SSH2: variants seen among roughly 807,000 people sequenced by gnomAD.
SSH2 encodes the protein protein phosphatase Slingshot homolog 2.
SSH2 carries 37 observed loss-of-function variants against 135.2 expected under a neutral mutation model. That is an observed-to-expected ratio of 0.27 (90% CI 0.21 to 0.36). The LOEUF (loss-of-function observed/expected upper bound fraction) is 0.36. Among genes scored for constraint, SSH2 ranks in the 10% least tolerant of loss-of-function variants. SSH2 has a pLI of 1.00. For synonymous variants in SSH2, 628 were observed against 646.2 expected (o/e 0.97, Z 0.43); for missense variants, 1,408 against 1,765.3 (o/e 0.80, Z 3.63).
At chr17:29,898,734 T>C (rs916049849) in intron 1 of SSH2, among the ~76,000 whole-genome samples, 6 of 152,172 alleles carry the variant, frequency 3.9e-5, no homozygotes, top group Non-Finnish European at 1.5e-5. Flanking sequence ...CTTCTGAAAC[T>C]ATTCCAATCA....
At chr17:29,772,298 T>C (rs2041603831) in intron 3 of SSH2, among the ~76,000 whole-genome samples, 1 of 149,290 alleles carries the variant, frequency 6.7e-6, no homozygotes, top group Non-Finnish European at 1.5e-5. Context: ...CAGGCTGGAG[T>C]GCAGTGGCGT....
intron 1 of SSH2, among the ~76,000 whole-genome samples, chr17:29,872,143 T>C (rs1481248772): frequency 2.0e-5 from 3 of 152,244 alleles, no homozygotes; most frequent in African/African-American, 7.2e-5. Flanking sequence ...AAATTGTTTC[T>C]TTTGTATTAT....
At chr17:29,737,920 CTTATTTATTTAT>C (rs57778245) in intron 3 of SSH2, among the ~76,000 whole-genome samples, 1 of 150,596 alleles carries the variant, frequency 6.6e-6, no homozygotes, top group African/African-American at 2.4e-5. Flanking sequence ...GAGAAAGTCT[CTTATTTATTTAT>C]TTATTTATTT....
At chr17:29,690,291 G>A (rs1056088017) in intron 5 of SSH2, among the ~76,000 whole-genome samples, 11 of 151,746 alleles carry the variant, frequency 7.2e-5, no homozygotes, top group African/African-American at 2.4e-4. Context: ...GGTAATCCCA[G>A]CTACTCAGGA....
intron 1 of SSH2, among the ~76,000 whole-genome samples, chr17:29,876,426 T>C (rs912365700): frequency 2.6e-5 from 4 of 152,248 alleles, no homozygotes; most frequent in Non-Finnish European, 4.4e-5. Context: ...TGTTTGGAGC[T>C]CCTCATGTGT....
At chr17:29,910,102 C>T (rs141002405) in intron 1 of SSH2, among the ~76,000 whole-genome samples, 1 of 152,104 alleles carries the variant, frequency 6.6e-6, no homozygotes, top group African/African-American at 2.4e-5. Context: ...TGTGCCACCA[C>T]AATTGGTTAA....
chr17:29,716,010 A>C (rs2039609158), intron 3 of SSH2, among the ~76,000 whole-genome samples: 2 of 152,160 alleles, frequency 1.3e-5, no homozygotes. Context: ...CTATACTACC[A>C]AGAAAATGGA....
chr17:29,761,426 C>G (rs929717974), intron 3 of SSH2: 3 of 1,014,408 alleles, frequency 3.0e-6, no homozygotes, highest in Non-Finnish European at 3.5e-6. Flanking sequence ...GCGGTAGAGT[C>G]CGGACTGACG....
rs183026533 is a variant in SSH2 at position 29,714,903 on chromosome 17, A to G, written c.189-11841T>C. On this transcript the variant is annotated intron_variant, in intron 3 of 15. Coordinates refer to ENST00000540801, the MANE Select transcript of SSH2 (RefSeq NM_001282129.2). ...GTTTTTTGGGACAGAGTCTTGCCCT[A>G]TCACCCAGGCTGAAGTGCAATGGTG... is the stretch of plus-strand genomic sequence containing the variant. 3.6e-3 allele frequency among the ~76,000 whole-genome samples: 553 copies of G among 151,610 alleles called. 2 individuals are homozygous for G. Among genetic ancestry groups the G allele is most frequent in the African/African-American group, 0.013 (534 of 41,328 alleles).
chr17:29,865,961 G>A (rs1247690728), intron 1 of SSH2: 1 of 152,190 alleles, frequency 6.6e-6, no homozygotes, highest in Non-Finnish European at 1.5e-5. Flanking sequence ...AATTAGCCAG[G>A]CATGGTGGTG....
At chr17:29,831,245 C>T (rs532398794) in intron 2 of SSH2, among the ~76,000 whole-genome samples, 41 of 150,274 alleles carry the variant, frequency 2.7e-4, no homozygotes, top group African/African-American at 9.0e-4. Flanking sequence ...ACATTGAACA[C>T]GTCTGCAGAC....
In SSH2 at chr17:29,636,076, C is replaced by T. The variant is rs777501868; in HGVS notation, c.2154G>A (p.Val718=). ...GGRNESCRLS[V]VEVAPSKVTA... is the part of the protein sequence containing the mutation. ...TCACTTTGGAAGGGGCTACTTCTAC[C>T]ACTGACAGTCGACAGCTCTCATTCC... The change falls in exon 15 of 16, where the codon GTG becomes GTA. Residue 718 remains valine (V), a synonymous_variant. Coordinates refer to ENST00000540801, the MANE Select transcript of SSH2 (RefSeq NM_001282129.2). The T allele has an allele frequency of 1.2e-6, 2 of 1,614,062 alleles. No homozygotes were observed. Among genetic ancestry groups the T allele is most frequent in the African/African-American group, 1.3e-5 (1 of 74,904 alleles).
chr17:29,806,235 T>G (rs2042343268), intron 2 of SSH2, among the ~76,000 whole-genome samples: 1 of 152,230 alleles, frequency 6.6e-6, no homozygotes, highest in African/African-American at 2.4e-5. Context: ...TTGTCTCATT[T>G]GAACCACTCC....
intron 9 of SSH2, among the ~76,000 whole-genome samples, chr17:29,671,206 G>C (rs1304019656): frequency 6.6e-6 from 1 of 152,102 alleles, no homozygotes; most frequent in East Asian, 1.9e-4. Flanking sequence ...AGCAGGCTGG[G>C]CGTAGTGGCT....
chr17:29,784,065 CA>C lies in SSH2; in HGVS notation c.188+9828del, dbSNP rs71138857. The stretch of plus-strand genomic sequence containing the variant: ...TGGGTGACAGAGCGAGACTCCGTCT[CA>C]AAAAAAAAAAAAAAAAAAAAAAAAA... On this transcript the variant is annotated intron_variant, in intron 3 of 15. Coordinates refer to ENST00000540801, the MANE Select transcript of SSH2 (RefSeq NM_001282129.2). Among the ~76,000 whole-genome samples the C allele has an allele frequency of 6.3e-3, 52 of 8,230 alleles. No homozygotes were observed. In the East Asian group the frequency reaches 0.069, roughly 11 times the overall value. The allele number at this position is 8,230 out of a possible 152,430, so 5.4% of individuals were successfully genotyped here.
chr17:29,841,753 G>T (rs1389400672), intron 2 of SSH2, among the ~76,000 whole-genome samples: 1 of 152,074 alleles, frequency 6.6e-6, no homozygotes, highest in East Asian at 1.9e-4. Context: ...TTGAGACAGG[G>T]TCTCATTCTG....
intron 3 of SSH2, among the ~76,000 whole-genome samples, chr17:29,765,474 G>T (rs753803183): frequency 1.3e-5 from 2 of 152,114 alleles, no homozygotes; most frequent in African/African-American, 4.8e-5. Context: ...CAACTTGAAG[G>T]TAAGACTCAC....
At chr17:29,676,993 G>A (rs1235039712) in intron 7 of SSH2, 108 bp from the exon 8 acceptor site, 1 of 831,652 alleles carries the variant, frequency 1.2e-6, no homozygotes. Flanking sequence ...CTCCGTAGAG[G>A]GAATCATCAG....
At chr17:29,737,525 T>A (rs551996208) in intron 3 of SSH2, among the ~76,000 whole-genome samples, 13 of 152,304 alleles carry the variant, frequency 8.5e-5, no homozygotes, top group South Asian at 2.1e-4. Context: ...AGTAGGGATA[T>A]GAAATTAACT....
Sources: allele counts gnomAD v4.1 joint callset (sites outside exome capture counted in the v4.1 genomes callset), GRCh38; gene constraint gnomAD v4.1.1; transcripts MANE v1.5; gene names NCBI Gene and HGNC (gene_info 2026-07-23, HGNC 2026-07-21).